PVT1: variants seen among roughly 807,000 people sequenced by gnomAD.
PVT1 encodes the protein CXCR4/PVT1 fusion.
At chr8:127,804,205 G>A (rs1340008366) in intron 2 of PVT1, among the ~76,000 whole-genome samples, 2 of 152,168 alleles carry the variant, frequency 1.3e-5, no homozygotes, top group Non-Finnish European at 2.9e-5. Flanking sequence ...GACAGAATGA[G>A]ACCCTGTCTC....
At chr8:128,028,073 C>T (rs535920384) in intron 4 of PVT1, among the ~76,000 whole-genome samples, 1 of 152,378 alleles carries the variant, frequency 6.6e-6, no homozygotes, top group East Asian at 1.9e-4. Flanking sequence ...TCCCGCCAAA[C>T]CAGCCCACAC....
chr8:127,940,705 G>A (rs1816339180), intron 3 of PVT1, among the ~76,000 whole-genome samples: 1 of 151,994 alleles, frequency 6.6e-6, no homozygotes, highest in African/African-American at 2.4e-5. Context: ...GGCTCAAGGG[G>A]TCCTCCCACC....
chr8:128,084,101 C>T (rs985523337), intron 5 of PVT1, among the ~76,000 whole-genome samples: 1 of 152,086 alleles, frequency 6.6e-6, no homozygotes, highest in Non-Finnish European at 1.5e-5. Flanking sequence ...TATCCTTTAT[C>T]CCCCCCTTGG....
rs185288912 is a variant in PVT1 at position 127,859,684 on chromosome 8, A to G, written n.373-30905A>G. 2.0e-5 allele frequency among the ~76,000 whole-genome samples: 3 copies of G among 152,064 alleles called. No homozygotes were observed. In the East Asian group the frequency reaches 5.9e-4, roughly 30 times the overall value. On this transcript the variant is annotated intron_variant and non_coding_transcript_variant, in intron 2 of 10. Coordinates refer to ENST00000651587, the Ensembl canonical transcript of PVT1. ...CGGAGCAGGCTCAGGGCCATGCTGA[A>G]CTTGGAGAAATCTGTGCAGGAGTCA...
intron 3 of PVT1, among the ~76,000 whole-genome samples, chr8:127,936,773 C>G (rs538092455): frequency 1.3e-5 from 2 of 152,120 alleles, no homozygotes; most frequent in Non-Finnish European, 2.9e-5. Flanking sequence ...GTAACTTGAG[C>G]AGGTCTTTGC....
intron 2 of PVT1, among the ~76,000 whole-genome samples, chr8:127,883,104 G>A (rs1404862048): frequency 5.4e-5 from 8 of 147,038 alleles, no homozygotes; most frequent in African/African-American, 2.0e-4. Flanking sequence ...GCGGAGTCCA[G>A]AAGGCTCAGA....
intron 5 of PVT1, among the ~76,000 whole-genome samples, chr8:128,086,072 C>A (rs1411217675): frequency 6.6e-6 from 1 of 152,184 alleles, no homozygotes; most frequent in Non-Finnish European, 1.5e-5. Flanking sequence ...ATGTATTTTG[C>A]AAAAGGGATG....
chr8:128,049,624 A>T (rs1586497935), intron 4 of PVT1, among the ~76,000 whole-genome samples: 1 of 152,148 alleles, frequency 6.6e-6, no homozygotes, highest in African/African-American at 2.4e-5. Flanking sequence ...GGTGGATGCA[A>T]CACAGGGCTG....
chr8:127,992,765 T>C (rs1817057900), intron 4 of PVT1, among the ~76,000 whole-genome samples: 1 of 152,206 alleles, frequency 6.6e-6, no homozygotes, highest in Non-Finnish European at 1.5e-5. Context: ...AGACCTTCAC[T>C]TTGCTCTTTT....
chr8:127,806,413 A>G (rs1046944347), intron 2 of PVT1, among the ~76,000 whole-genome samples: 1 of 152,118 alleles, frequency 6.6e-6, no homozygotes, highest in Non-Finnish European at 1.5e-5. Flanking sequence ...GTGAACCCAG[A>G]TCTTGCCACT....
At chr8:127,970,285 A>ATTTTTTTTTTTTTTTTT (rs1321419703) in intron 3 of PVT1, among the ~76,000 whole-genome samples, 1 of 26,816 alleles carries the variant, frequency 3.7e-5, no homozygotes, top group African/African-American at 1.2e-4. Flanking sequence ...ATCTGCCATG[A>ATTTTTTTTTTTTTTTTT]TTTGTTTTTT....
chr8:128,100,732 C>T (rs1447881190), intron 6 of PVT1, among the ~76,000 whole-genome samples: 2 of 152,130 alleles, frequency 1.3e-5, no homozygotes, highest in African/African-American at 4.8e-5. Flanking sequence ...CTTAATTATT[C>T]CTGGGCTATT....
At chr8:128,019,073 C>G (rs1270958763) in intron 4 of PVT1, among the ~76,000 whole-genome samples, 2 of 152,208 alleles carry the variant, frequency 1.3e-5, no homozygotes, top group Non-Finnish European at 2.9e-5. Context: ...TGAGCAGCCG[C>G]TGACCATCAG....
At chr8:128,025,745 G>A (rs111266890) in intron 4 of PVT1, among the ~76,000 whole-genome samples, 2 of 152,156 alleles carry the variant, frequency 1.3e-5, no homozygotes, top group Non-Finnish European at 2.9e-5. Context: ...CGTTTTGAAA[G>A]CTCCCTGATT....
chr8:127,905,643 G>C (rs1187614683), intron 3 of PVT1, among the ~76,000 whole-genome samples: 1 of 151,788 alleles, frequency 6.6e-6, no homozygotes, highest in Non-Finnish European at 1.5e-5. Flanking sequence ...GTTTTTTTTT[G>C]AGTATATATA....
chr8:127,870,976 C>T (rs1017464966), intron 2 of PVT1, among the ~76,000 whole-genome samples: 2 of 152,352 alleles, frequency 1.3e-5, no homozygotes, highest in East Asian at 3.9e-4. Flanking sequence ...CCTCCTCCTC[C>T]TCTCTGTCCA....
intron 5 of PVT1, among the ~76,000 whole-genome samples, chr8:128,086,262 G>C (rs1814253805): frequency 6.6e-6 from 1 of 152,208 alleles, no homozygotes; most frequent in Non-Finnish European, 1.5e-5. Context: ...GGTCTAGGCA[G>C]TGGGCAAAAG....
At chr8:128,028,115 G>A (rs982464134) in intron 4 of PVT1, among the ~76,000 whole-genome samples, 5 of 152,236 alleles carry the variant, frequency 3.3e-5, no homozygotes, top group African/African-American at 1.2e-4. Context: ...CTCGGTTTCA[G>A]GCCAACCAGT....
At chr8:127,796,258 T>G (rs1814395291) in intron 2 of PVT1, among the ~76,000 whole-genome samples, 1 of 152,200 alleles carries the variant, frequency 6.6e-6, no homozygotes, top group African/African-American at 2.4e-5. Flanking sequence ...TTTGTTTTTT[T>G]TCTGATTAAC....
Sources: allele counts gnomAD v4.1 joint callset (sites outside exome capture counted in the v4.1 genomes callset), GRCh38; gene constraint gnomAD v4.1.1; transcripts MANE v1.5; gene names NCBI Gene and HGNC (gene_info 2026-07-23, HGNC 2026-07-21).